EFCC1: variants seen among roughly 807,000 people sequenced by gnomAD.
EFCC1 encodes the protein EF-hand and coiled-coil domain-containing protein 1.
A neutral mutation model predicts 52.1 loss-of-function variants in EFCC1; 50 were observed. The ratio of observed to expected loss-of-function variants is 0.96; its 90% confidence interval spans 0.76 to 1.21. The LOEUF is 1.21. Ranked by LOEUF, EFCC1 falls within the 50% of genes most tolerant of loss-of-function variation. EFCC1 has a pLI of 0.00. For missense variants in EFCC1, 837 were observed against 867.3 expected, an observed-to-expected ratio of 0.97 and a Z score of 0.44; for synonymous variants, 399 against 396.5, an observed-to-expected ratio of 1.01 and a Z score of -0.08.
chr3:129,011,628 T>C (rs1238006824), intron 2 of EFCC1, among the ~76,000 whole-genome samples: 1 of 151,146 alleles, frequency 6.6e-6, no homozygotes, highest in East Asian at 1.9e-4. Context: ...CAGGGCAGGA[T>C]CACAAAGGGG....
At chr3:129,037,156 A>G in intron 6 of EFCC1, 39 bp downstream of exon 6, 3 of 1,567,380 alleles carry the variant, frequency 1.9e-6, no homozygotes, top group Non-Finnish European at 2.6e-6. Context: ...AGGGAAGGGA[A>G]AGGAGCTCTT....
intron 5 of EFCC1, 124 bp downstream of exon 5, chr3:129,034,453 G>A: frequency 6.4e-6 from 7 of 1,088,848 alleles, no homozygotes; most frequent in South Asian, 1.7e-5. Context: ...GGCCCAGAGG[G>A]AGGTGATTTC....
intron 1 of EFCC1, chr3:129,003,160 G>A (rs917530842): frequency 4.4e-6 from 4 of 916,422 alleles, no homozygotes; most frequent in Non-Finnish European, 5.2e-6. Flanking sequence ...GCAAGGTGTG[G>A]TTTTCAGTGT....
At position 129,039,853 on chromosome 3, in the gene EFCC1, A is replaced by G. The variant is rs768120639; in HGVS notation, c.*5A>G. ...CCCCTCCTCGTCTCCTGCTGAGGTT[A>G]CTGGCCCACCCTGTGGGCACCCTGC... On this transcript the variant is annotated 3_prime_UTR_variant, in exon 8 of 8. Coordinates refer to ENST00000683648, the MANE Select transcript of EFCC1 (RefSeq NM_001377500.1). The G allele has an allele frequency of 6.3e-7, 1 of 1,598,002 alleles. No homozygotes were observed. Among genetic ancestry groups the G allele is most frequent in the South Asian group, 1.1e-5 (1 of 89,500 alleles).
At chr3:129,026,491 C>T (rs1213483604) in intron 2 of EFCC1, among the ~76,000 whole-genome samples, 2 of 152,216 alleles carry the variant, frequency 1.3e-5, no homozygotes, top group African/African-American at 4.8e-5. Context: ...AAGAAGCTCA[C>T]TGCCTTCCAC....
chr3:129,005,229 G>A (rs1945017873), intron 2 of EFCC1, among the ~76,000 whole-genome samples: 1 of 152,242 alleles, frequency 6.6e-6, no homozygotes, highest in African/African-American at 2.4e-5. Context: ...CGTGGCAGCA[G>A]GCAGGAGGTG....
At chr3:129,004,379 CCACCCATCCATCCACT>C (rs1262797105) in intron 2 of EFCC1, among the ~76,000 whole-genome samples, 26 of 138,470 alleles carry the variant, frequency 1.9e-4, no homozygotes, top group Non-Finnish European at 3.2e-4. Flanking sequence ...CCCCCCCCAC[CCACCCATCCATCCACT>C]CACCCATCCA....
At position 129,010,193 on chromosome 3, in the gene EFCC1, A is replaced by C. The variant is rs563646275; in HGVS notation, c.980+6116A>C. On this transcript the variant is annotated intron_variant, in intron 2 of 7. Transcript: ENST00000683648. This position sits in a 1 kb window ranked among gnomAD's most constrained non-coding sequence, Gnocchi z 4.3. ...GTCCTGCCTTGAGGGGTCCCCCTTC[A>C]GTCCTCAGTAGAAGGTCTCTGGTGG... Among the ~76,000 whole-genome samples the C allele has an allele frequency of 6.6e-6, 1 of 152,356 alleles. No homozygotes were observed. Among genetic ancestry groups the C allele is most frequent in the African/African-American group, 2.4e-5 (1 of 41,594 alleles).
Position 129,032,969 on chromosome 3 carries a change from G to T in EFCC1, c.1286+3G>T. On this transcript the variant is annotated splice_donor_region_variant and intron_variant, in intron 4 of 7. Coordinates refer to ENST00000683648, the MANE Select transcript of EFCC1 (RefSeq NM_001377500.1). ...CGGCTCTCCAGCTGCAGAGGCAGGT[G>T]TGTGGCCCGTCCAGCGTCAGCCACT... 2.6e-6 allele frequency: 4 copies of T among 1,535,088 alleles called. No individual in the cohort carries two copies. The highest frequency in any genetic ancestry group is 1.4e-5 in the African/African-American group (1 of 72,848).
intron 2 of EFCC1, among the ~76,000 whole-genome samples, chr3:129,021,793 ATTGT>A (rs1041243809): frequency 3.9e-5 from 6 of 152,146 alleles, no homozygotes; most frequent in African/African-American, 1.4e-4. Context: ...TGAAAATTTC[ATTGT>A]TTGTGAGTAT....
intron 2 of EFCC1, among the ~76,000 whole-genome samples, chr3:129,013,667 G>A (rs151178318): frequency 1.3e-5 from 2 of 152,330 alleles, no homozygotes; most frequent in Admixed American, 1.3e-4. Flanking sequence ...CAGGGAAATG[G>A]AGCATGCTGA....
intron 4 of EFCC1, among the ~76,000 whole-genome samples, chr3:129,033,900 C>G (rs1229766242): frequency 2.0e-5 from 3 of 152,222 alleles, no homozygotes; most frequent in African/African-American, 4.8e-5. Context: ...TTGGCGGGAC[C>G]GCCAGGAGGC....
chr3:129,036,030 C>A (rs1946349113), intron 5 of EFCC1, among the ~76,000 whole-genome samples: 1 of 152,378 alleles, frequency 6.6e-6, no homozygotes, highest in Non-Finnish European at 1.5e-5. Context: ...TTCTCCACCA[C>A]CGCTCTGGTT....
intron 2 of EFCC1, among the ~76,000 whole-genome samples, chr3:129,028,282 C>T (rs1401499500): frequency 6.6e-6 from 1 of 151,970 alleles, no homozygotes; most frequent in Admixed American, 6.5e-5. Flanking sequence ...TGTGGTGTCA[C>T]CATGTTGGCC....
At chr3:129,032,740 C>G in intron 3 of EFCC1, 79 bp from the exon 4 acceptor site, 2 of 1,503,174 alleles carry the variant, frequency 1.3e-6, no homozygotes, top group Non-Finnish European at 8.9e-7. Context: ...CCTGGGGCTG[C>G]GCTGCACATG....
rs1433068658 is a variant in EFCC1, at chr3:129,001,882, T to G, written c.254T>G (p.Val85Gly). ...GCCGACTTCCGAGCGCTCTGCGCTG[T>G]GCTGGGGCTGCGCGCGGAGGGGGCC... is the stretch of plus-strand genomic sequence containing the variant. ...PRADFRALCA[V>G]LGLRAEGATT... The change falls in exon 1 of 8, where the codon GTG becomes GGG. Residue 85 changes from valine to glycine, a missense_variant. Val to Gly is a moderately radical substitution (Grantham distance 109, BLOSUM62 -3). Transcript: ENST00000683648. The G allele has an allele frequency of 1.9e-6, 3 of 1,540,690 alleles. No individual in the cohort carries two copies. The East Asian group carries it at 7.5e-5, about 38-fold the overall frequency.
At chr3:129,006,034 T>C (rs1376789007) in intron 2 of EFCC1, among the ~76,000 whole-genome samples, 1 of 152,256 alleles carries the variant, frequency 6.6e-6, no homozygotes, top group Admixed American at 6.5e-5. Context: ...TCATAGCCAA[T>C]GCACCATTTA....
intron 2 of EFCC1, among the ~76,000 whole-genome samples, chr3:129,022,463 C>T (rs143842892): frequency 1.3e-3 from 195 of 152,198 alleles, no homozygotes; most frequent in African/African-American, 4.5e-3. Flanking sequence ...GCCAGGACAG[C>T]GGAAGGGAGG....
In EFCC1 at chr3:129,030,776, G is replaced by T; in HGVS notation, c.1054G>T (p.Asp352Tyr). Residue 352 changes from aspartate (D) to tyrosine (Y), a missense_variant, in exon 3 of 8, where the codon GAT becomes TAT. Asp to Tyr is a radical substitution (Grantham distance 160, BLOSUM62 -3). Coordinates refer to ENST00000683648, the MANE Select transcript of EFCC1 (RefSeq NM_001377500.1). Reference protein sequence around the residue: ...EPGDKSNEPEDAGTRDPDPTP... With the variant: ...EPGDKSNEPEYAGTRDPDPTP... ...AGGAGACAAGAGTAATGAACCTGAA[G>T]ATGCTGGGACCAGAGACCCAGACCC... 1 of 1,551,692 alleles carries T rather than the reference G, an allele frequency of 6.4e-7. No individual in the cohort carries two copies. Among genetic ancestry groups the T allele is most frequent in the Admixed American group, 2.0e-5 (1 of 51,012 alleles).
Sources: allele counts gnomAD v4.1 joint callset (sites outside exome capture counted in the v4.1 genomes callset), GRCh38; gene constraint gnomAD v4.1.1; non-coding constraint Gnocchi (gnomAD v3.1); transcripts MANE v1.5; gene names NCBI Gene and HGNC (gene_info 2026-07-23, HGNC 2026-07-21).